The following EML6 variants were observed in gnomAD, a reference collection of about 807,000 sequenced individuals.
EML6 encodes EMAP like 6.
In EML6, 154 loss-of-function variants were observed where a neutral mutation model predicts 240.1. The ratio of observed to expected loss-of-function variants is 0.64; its 90% CI spans 0.56 to 0.73. The LOEUF (loss-of-function observed/expected upper bound fraction) is 0.73. EML6 is among the 30% of genes least tolerant of loss of function. The probability of loss-of-function intolerance (pLI) is 0.00; values close to 1 mark genes in which losing one functional copy is unlikely to be tolerated. For missense variants in EML6, 2,964 were observed against 2,474.6 expected, an observed-to-expected ratio of 1.20 and a Z score of -4.20; for synonymous variants, 1,148 against 899.0, an observed-to-expected ratio of 1.28 and a Z score of -4.95.
At chr2:54,736,186 A>T (rs1388109896) in intron 2 of EML6, among the ~76,000 whole-genome samples, 1 of 152,240 alleles carries the variant, frequency 6.6e-6, no homozygotes, top group Non-Finnish European at 1.5e-5. Flanking sequence ...TCATTCCACA[A>T]GTTATGGAGA....
At chr2:54,961,186 T>TGTTTTTTTTTTTTG (rs796179489) in intron 35 of EML6, among the ~76,000 whole-genome samples, 4 of 93,166 alleles carry the variant, frequency 4.3e-5, no homozygotes, top group South Asian at 3.9e-4. Flanking sequence ...AGGAAGTAGT[T>TGTTTTTTTTTTTTG]TTTTTTTTTT....
At position 54,971,465 on chromosome 2, in the gene EML6, G is replaced by GCTA. The variant is rs1677009824; in HGVS notation, c.*1373_*1375dup. Reference sequence around the variant, plus strand: ...GAAAATTCTAGACCTACAGTTACTGGCTACTTGCATTTGTCAGTTTAGAGA... The same window carrying GCTA: ...GAAAATTCTAGACCTACAGTTACTGGCTACTACTTGCATTTGTCAGTTTAGAGA... On this transcript the variant is annotated 3_prime_UTR_variant, in exon 42 of 42. Coordinates refer to ENST00000356458, the MANE Select transcript of EML6 (RefSeq NM_001039753.4). 1 of 152,156 alleles carries GCTA rather than the reference G, an allele frequency of 6.6e-6. No individual in the cohort carries two copies. Among genetic ancestry groups the GCTA allele is most frequent in the Non-Finnish European group, 1.5e-5 (1 of 68,026 alleles). 9.4% of individuals were successfully genotyped at this position (152,156 alleles called of 1,614,324 possible).
chr2:54,829,348 A>G lies in EML6; in HGVS notation c.718A>G (p.Ile240Val), dbSNP rs1668749722. 6.4e-7 allele frequency: 1 copy of G among 1,551,626 alleles called. No individual in the cohort carries two copies. Among genetic ancestry groups the G allele is most frequent in the Non-Finnish European group, 8.7e-7 (1 of 1,146,882 alleles). The change falls in exon 7 of 42, where the codon ATC (isoleucine) becomes GTC (valine). Residue 240 changes from isoleucine to valine, a missense_variant. Coordinates refer to ENST00000356458, the MANE Select transcript of EML6 (RefSeq NM_001039753.4). The stretch of plus-strand genomic sequence containing the variant: ...TACCTGTTTTAATCAACAGGCTGGA[A>G]TCTTTAGCATGTATGCTTGTGAAGA... ...RTIQGAHSAG[I>V]FSMYACEEGF... is the part of the protein sequence containing the mutation.
At position 54,971,249 on chromosome 2, in the gene EML6, G is replaced by T. The variant is rs2289747; in HGVS notation, c.*1154G>T. ...ATAAAGTGAGTTAGAGTTCCTTGGA[G>T]TTGGTTGTATGACGGAATATGACTT... On this transcript the variant is annotated 3_prime_UTR_variant, in exon 42 of 42. Transcript: ENST00000356458. The T allele has an allele frequency of 0.25, 38,354 of 152,186 alleles. 5,176 individuals are homozygous for T. The highest frequency in any genetic ancestry group is 0.32 in the Middle Eastern group (93 of 294). The allele number at this position is 152,186 out of a possible 1,614,324, so 9.4% of individuals were successfully genotyped here.
At chr2:54,959,985 A>C (rs577279205) in intron 34 of EML6, among the ~76,000 whole-genome samples, 2 of 152,202 alleles carry the variant, frequency 1.3e-5, no homozygotes, top group African/African-American at 4.8e-5. Context: ...CTTTCCTCCC[A>C]AGATAGTAGC....
intron 39 of EML6, among the ~76,000 whole-genome samples, chr2:54,967,724 A>T (rs1676809992): frequency 6.6e-6 from 1 of 152,218 alleles, no homozygotes; most frequent in Non-Finnish European, 1.5e-5. Flanking sequence ...ACTGAATTAC[A>T]TAAAACAGCA....
chr2:54,793,764 T>C (rs1325927245), intron 2 of EML6, among the ~76,000 whole-genome samples: 2 of 152,128 alleles, frequency 1.3e-5, no homozygotes, highest in Non-Finnish European at 2.9e-5. Flanking sequence ...GCTGGTTTGG[T>C]GAGTAGGGGC....
intron 2 of EML6, among the ~76,000 whole-genome samples, chr2:54,753,668 T>TG (rs1457693554): frequency 6.6e-6 from 1 of 150,964 alleles, no homozygotes; most frequent in African/African-American, 2.4e-5. Flanking sequence ...CTGAGTTTTT[T>TG]TTTTTTTTTT....
intron 36 of EML6, 83 bp downstream of exon 36, chr2:54,962,794 C>CG: frequency 8.3e-7 from 1 of 1,210,612 alleles, no homozygotes; most frequent in Non-Finnish European, 1.1e-6. Context: ...GCCCAGCCAG[C>CG]GTCATGGCAG....
At chr2:54,906,929 T>C (rs1673357190) in intron 24 of EML6, among the ~76,000 whole-genome samples, 1 of 152,126 alleles carries the variant, frequency 6.6e-6, no homozygotes, top group Non-Finnish European at 1.5e-5. Context: ...TTTGATCCTG[T>C]CGAAAATAGT....
chr2:54,802,647 A>ACTACTACTG (rs1553381866), intron 2 of EML6, among the ~76,000 whole-genome samples: 8 of 149,044 alleles, frequency 5.4e-5, no homozygotes, highest in Middle Eastern at 3.6e-3. Flanking sequence ...TACTACTACT[A>ACTACTACTG]CTACTACTAC....
At chr2:54,966,084 C>T (rs1466825826) in intron 38 of EML6, among the ~76,000 whole-genome samples, 1 of 152,160 alleles carries the variant, frequency 6.6e-6, no homozygotes, top group East Asian at 1.9e-4. Context: ...AGTTTCAGTC[C>T]CTGCTTCCTG....
At chr2:54,924,524 A>G (rs1204107789) in intron 26 of EML6, among the ~76,000 whole-genome samples, 1 of 152,190 alleles carries the variant, frequency 6.6e-6, no homozygotes, top group Non-Finnish European at 1.5e-5. Flanking sequence ...CCAAATATGA[A>G]TTATTTTGAT....
intron 28 of EML6, among the ~76,000 whole-genome samples, chr2:54,941,574 GA>G (rs939106968): frequency 3.3e-4 from 50 of 152,238 alleles, no homozygotes; most frequent in African/African-American, 1.1e-3. Context: ...AGAGATTGAT[GA>G]AAACTGCTCA....
intron 2 of EML6, among the ~76,000 whole-genome samples, chr2:54,773,505 A>G (rs1032811389): frequency 6.6e-6 from 1 of 152,232 alleles, no homozygotes; most frequent in Admixed American, 6.5e-5. Context: ...ACCCCTCATC[A>G]TTCAAGAAAG....
chr2:54,859,453 A>T, intron 11 of EML6, 81 bp from the exon 12 acceptor site: 1 of 1,087,420 alleles, frequency 9.2e-7, no homozygotes, highest in Non-Finnish European at 1.3e-6. Context: ...TTACTCTTCA[A>T]CATGAACAGA....
intron 17 of EML6, among the ~76,000 whole-genome samples, chr2:54,886,241 C>A (rs563543012): frequency 6.9e-6 from 1 of 143,890 alleles, no homozygotes; most frequent in South Asian, 2.3e-4. Flanking sequence ...TCTTGGCCCA[C>A]TGCAACCTCT....
At chr2:54,955,045 A>T (rs965867023) in intron 32 of EML6, among the ~76,000 whole-genome samples, 3 of 152,230 alleles carry the variant, frequency 2.0e-5, no homozygotes, top group African/African-American at 7.2e-5. Flanking sequence ...GAGCACCCCC[A>T]TATGAGGAAA....
chr2:54,836,838 C>T (rs1427353261), intron 7 of EML6, among the ~76,000 whole-genome samples: 1 of 152,170 alleles, frequency 6.6e-6, no homozygotes, highest in Non-Finnish European at 1.5e-5. Context: ...TTATGAATCC[C>T]TGGGGAGATG....
Sources: gnomAD v4.1 joint callset for allele counts (sites outside exome capture counted in the v4.1 genomes callset) on GRCh38, gnomAD v4.1.1 for gene constraint, MANE v1.5 for transcripts, NCBI Gene and HGNC (gene_info 2026-07-23, HGNC 2026-07-21) for gene names.